Variants in CCSER1 observed in about 807,000 individuals in gnomAD.
The protein encoded by CCSER1 is coiled-coil serine rich protein 1.
CCSER1 carries 41 observed loss-of-function variants against 82.0 expected under a neutral mutation model. That is an observed-to-expected ratio of 0.50 (90% confidence interval 0.39 to 0.65). The LOEUF (loss-of-function observed/expected upper bound fraction) is 0.65. CCSER1 is among the 30% of genes least tolerant of loss of function. CCSER1 has a pLI of 0.00. For synonymous variants in CCSER1, 414 were observed against 383.9 expected (o/e 1.08, Z -0.92); for missense variants, 1,119 against 1,064.2 (o/e 1.05, Z -0.72).
chr4:91,160,679 C>T (rs1731295535), intron 10 of CCSER1, among the ~76,000 whole-genome samples: 1 of 152,208 alleles, frequency 6.6e-6, no homozygotes, highest in Non-Finnish European at 1.5e-5. Context: ...TGTCGATTGG[C>T]TGCATAAATG....
intron 10 of CCSER1, among the ~76,000 whole-genome samples, chr4:91,492,301 T>A (rs1195705241): frequency 6.6e-6 from 1 of 152,108 alleles, no homozygotes; most frequent in Non-Finnish European, 1.5e-5. Context: ...AATTTACTAC[T>A]GCCTCAAATC....
At chr4:90,413,726 C>G (rs1199749520) in intron 4 of CCSER1, among the ~76,000 whole-genome samples, 1 of 150,794 alleles carries the variant, frequency 6.6e-6, no homozygotes. Context: ...GAGGCCAAGG[C>G]GGGCAGATCA....
At chr4:90,486,162 G>C (rs1349555548) in intron 5 of CCSER1, among the ~76,000 whole-genome samples, 1 of 152,080 alleles carries the variant, frequency 6.6e-6, no homozygotes, top group Non-Finnish European at 1.5e-5. Flanking sequence ...TAAGTACAGT[G>C]GTCCCCACTC....
At chr4:91,470,874 T>A in intron 10 of CCSER1, among the ~76,000 whole-genome samples, 1 of 152,258 alleles carries the variant, frequency 6.6e-6, no homozygotes, top group Admixed American at 6.5e-5. Context: ...GACAAATGAA[T>A]AATAAATAGG....
At chr4:90,960,685 C>A (rs1394106240) in intron 9 of CCSER1, among the ~76,000 whole-genome samples, 1 of 152,178 alleles carries the variant, frequency 6.6e-6, no homozygotes, top group Non-Finnish European at 1.5e-5. Flanking sequence ...TTGCCTTCAC[C>A]TCAGAGCTCT....
intron 5 of CCSER1, among the ~76,000 whole-genome samples, chr4:90,502,575 G>A (rs80122231): frequency 0.015 from 2,211 of 152,180 alleles, 32 homozygotes; most frequent in African/African-American, 0.043. Context: ...TGTCAGAAGC[G>A]GTGGACAATG....
intron 4 of CCSER1, among the ~76,000 whole-genome samples, chr4:90,411,993 T>G (rs1754922434): frequency 6.6e-6 from 1 of 151,402 alleles, no homozygotes; most frequent in Non-Finnish European, 1.5e-5. Context: ...TAAATCATGC[T>G]GCTATAAAGA....
chr4:90,882,431 AT>A (rs1554035733), intron 8 of CCSER1, among the ~76,000 whole-genome samples: 3 of 152,058 alleles, frequency 2.0e-5, no homozygotes, highest in Non-Finnish European at 4.4e-5. Context: ...TTTACTAAGT[AT>A]TTTATACTGG....
intron 9 of CCSER1, among the ~76,000 whole-genome samples, chr4:90,935,961 C>T (rs1215702139): frequency 6.6e-6 from 1 of 151,822 alleles, no homozygotes; most frequent in African/African-American, 2.4e-5. Context: ...TTTTGTTTAT[C>T]TCTTTTTGTC....
At chr4:90,656,765 C>A (rs913434050) in intron 6 of CCSER1, among the ~76,000 whole-genome samples, 26 of 151,616 alleles carry the variant, frequency 1.7e-4, no homozygotes, top group Non-Finnish European at 3.1e-4. Flanking sequence ...TCTAATTATT[C>A]TATTTCCTCT....
At chr4:90,148,997 G>C (rs984363422) in intron 1 of CCSER1, among the ~76,000 whole-genome samples, 3 of 151,964 alleles carry the variant, frequency 2.0e-5, no homozygotes, top group African/African-American at 7.2e-5. Flanking sequence ...AGGCACTTTG[G>C]CTTTGTTAGA....
chr4:90,664,894 C>G (rs1353543436), intron 6 of CCSER1, among the ~76,000 whole-genome samples: 5 of 152,168 alleles, frequency 3.3e-5, no homozygotes, highest in Non-Finnish European at 5.9e-5. Flanking sequence ...GAATGAAACT[C>G]TGTCTCAAAT....
chr4:90,364,920 G>A (rs1746000077), intron 3 of CCSER1, among the ~76,000 whole-genome samples: 1 of 151,434 alleles, frequency 6.6e-6, no homozygotes, highest in South Asian at 2.1e-4. Context: ...TACAATGACT[G>A]AACATTTTAC....
intron 10 of CCSER1, chr4:91,319,116 G>A: frequency 3.6e-6 from 1 of 274,696 alleles, no homozygotes; most frequent in South Asian, 3.3e-5. Flanking sequence ...GACGGTATCA[G>A]CTTCTGGATA....
At chr4:91,270,486 G>A (rs1000600597) in intron 10 of CCSER1, among the ~76,000 whole-genome samples, 19 of 151,270 alleles carry the variant, frequency 1.3e-4, no homozygotes, top group African/African-American at 4.6e-4. Flanking sequence ...TTTCTTTCAT[G>A]GATTTCTGTT....
intron 4 of CCSER1, among the ~76,000 whole-genome samples, chr4:90,405,751 C>T (rs1314453908): frequency 2.6e-5 from 4 of 151,932 alleles, no homozygotes; most frequent in African/African-American, 9.7e-5. Context: ...ATTTTGTTTC[C>T]AGCAAAACTA....
At chr4:90,926,924 G>A (rs962351087) in intron 9 of CCSER1, among the ~76,000 whole-genome samples, 2 of 151,938 alleles carry the variant, frequency 1.3e-5, no homozygotes, top group Non-Finnish European at 2.9e-5. Context: ...TACATTGAGG[G>A]GTAGGGAAGT....
intron 10 of CCSER1, among the ~76,000 whole-genome samples, chr4:91,491,526 A>G (rs969529690): frequency 7.9e-5 from 12 of 152,158 alleles, no homozygotes; most frequent in Non-Finnish European, 1.5e-4. Flanking sequence ...GTTAAATTGC[A>G]GGAATATATG....
chr4:90,624,402 G>A (rs1304692979), intron 5 of CCSER1, among the ~76,000 whole-genome samples: 32 of 151,664 alleles, frequency 2.1e-4, no homozygotes, highest in Admixed American at 2.1e-3. Context: ...AGCTAAGTGA[G>A]AAAAAAAATC....
Sources: allele counts gnomAD v4.1 joint callset (sites outside exome capture counted in the v4.1 genomes callset), GRCh38; gene constraint gnomAD v4.1.1; transcripts MANE v1.5; gene names NCBI Gene and HGNC (gene_info 2026-07-23, HGNC 2026-07-21).